The following ZNF532 variants were observed in gnomAD, a reference collection of about 807,000 sequenced individuals.
ZNF532 encodes zinc finger protein 532.
Under a neutral mutation model 89.3 loss-of-function variants are expected in ZNF532, and 22 were observed. That is an observed-to-expected ratio of 0.25 (90% CI 0.18 to 0.35). The LOEUF (loss-of-function observed/expected upper bound fraction) is 0.35. Among genes scored for constraint, ZNF532 ranks in the 10% least tolerant of loss-of-function variants. The probability of loss-of-function intolerance (pLI) is 1.00; values close to 1 mark genes in which losing one functional copy is unlikely to be tolerated. For missense variants in ZNF532, 1,132 were observed against 1,643.4 expected, an observed-to-expected ratio of 0.69 and a Z score of 5.38; for synonymous variants, 606 against 649.6, an observed-to-expected ratio of 0.93 and a Z score of 1.02.
At chr18:58,885,328 G>T (rs765433789) in intron 2 of ZNF532, among the ~76,000 whole-genome samples, 1 of 152,078 alleles carries the variant, frequency 6.6e-6, no homozygotes, top group South Asian at 2.1e-4. Flanking sequence ...TTAAAAGAAC[G>T]TATAGCCAGT....
intron 7 of ZNF532, among the ~76,000 whole-genome samples, chr18:58,965,563 TTGA>T (rs2065838697): frequency 6.6e-6 from 1 of 152,254 alleles, no homozygotes; most frequent in Non-Finnish European, 1.5e-5. Context: ...ACTTCTGCTT[TTGA>T]TGTAGTCATT....
chr18:58,942,207 A>G (rs2063174468), intron 5 of ZNF532, among the ~76,000 whole-genome samples: 2 of 151,368 alleles, frequency 1.3e-5, no homozygotes, highest in African/African-American at 4.9e-5. Context: ...TATTTTTAGT[A>G]GAGATGGGGT....
chr18:58,949,415 C>T (rs1242436472), intron 6 of ZNF532, among the ~76,000 whole-genome samples: 1 of 152,168 alleles, frequency 6.6e-6, no homozygotes, highest in South Asian at 2.1e-4. Flanking sequence ...ATACATTATA[C>T]AGGCTGGGCA....
intron 2 of ZNF532, among the ~76,000 whole-genome samples, chr18:58,892,358 T>G (rs1166459717): frequency 6.6e-6 from 1 of 152,232 alleles, no homozygotes. Context: ...TGAATTGACA[T>G]GGAGTGTCTG....
intron 3 of ZNF532, chr18:58,926,330 T>C (rs2061520035): frequency 6.6e-6 from 1 of 152,264 alleles, no homozygotes; most frequent in Non-Finnish European, 1.5e-5. Flanking sequence ...TTCTTTGTTT[T>C]GTAGTTTTCT....
intron 4 of ZNF532, among the ~76,000 whole-genome samples, chr18:58,937,908 G>A (rs2062612203): frequency 6.6e-6 from 1 of 152,204 alleles, no homozygotes; most frequent in African/African-American, 2.4e-5. Context: ...AAGTAGATAG[G>A]CTAGAGAGGC....
chr18:58,893,092 C>T (rs1413631839), intron 2 of ZNF532, among the ~76,000 whole-genome samples: 1 of 151,236 alleles, frequency 6.6e-6, no homozygotes, highest in East Asian at 2.0e-4. Context: ...AGCGATTCTG[C>T]CTCAGCCTCC....
intron 4 of ZNF532, among the ~76,000 whole-genome samples, chr18:58,939,104 G>A (rs1049145809): frequency 7.3e-5 from 11 of 151,716 alleles, no homozygotes; most frequent in Non-Finnish European, 1.3e-4. Flanking sequence ...AAAAGTAATT[G>A]GGCATGGTGG....
chr18:58,878,655 G>A (rs1043092269), intron 2 of ZNF532, among the ~76,000 whole-genome samples: 4 of 152,256 alleles, frequency 2.6e-5, no homozygotes, highest in Admixed American at 6.5e-5. Context: ...TGCATTGGGA[G>A]AGGCAGTAGC....
rs751732976 is a variant in ZNF532, at chr18:58,918,856, C to T, written c.569C>T (p.Ser190Phe). 1.8e-5 allele frequency: 29 copies of T among 1,614,062 alleles called. No individual in the cohort carries two copies. Among genetic ancestry groups the T allele is most frequent in the Non-Finnish European group, 2.4e-5 (28 of 1,180,054 alleles). ...GAAAACTCCAGCAAAACTGGACTCT[C>T]TACGTCAGGCAATGTGGAGAAAAAC... Reference protein sequence around the residue: ...GGENSSKTGLSTSGNVEKNKA... With the variant: ...GGENSSKTGLFTSGNVEKNKA... Residue 190 changes from serine (S) to phenylalanine (F), a missense_variant, in exon 3 of 10, where the codon TCT (serine) becomes TTT (phenylalanine). Physicochemically the swap from Ser to Phe is radical, Grantham distance 155. This residue lies in a region of ZNF532 where 302 missense variants were observed against 319.8 expected (regional missense o/e 0.94). Transcript: ENST00000591808.
chr18:58,942,349 C>CCTCCCTCCCTCCCTCCCTCCCTT (rs1568383305), intron 5 of ZNF532, among the ~76,000 whole-genome samples: 1 of 43,172 alleles, frequency 2.3e-5, no homozygotes, highest in African/African-American at 1.1e-4. Context: ...CTCCCTCCCT[C>CCTCCCTCCCTCCCTCCCTCCCTT]CCTTCCTTCC....
chr18:58,918,171 T>C (rs1260731093), intron 2 of ZNF532, 100 bp from the exon 3 acceptor site: 2 of 1,132,154 alleles, frequency 1.8e-6, no homozygotes, highest in Non-Finnish European at 2.5e-6. Context: ...TCCTTGCTCT[T>C]TCTTAGTAAT....
intron 2 of ZNF532, among the ~76,000 whole-genome samples, chr18:58,881,466 G>A (rs1314598639): frequency 6.6e-6 from 1 of 152,200 alleles, no homozygotes; most frequent in African/African-American, 2.4e-5. Context: ...GCTGGGTTGT[G>A]TGTCTGCAAG....
intron 7 of ZNF532, among the ~76,000 whole-genome samples, chr18:58,976,352 TA>T (rs1286827618): frequency 6.6e-6 from 1 of 152,226 alleles, no homozygotes; most frequent in African/African-American, 2.4e-5. Context: ...ATTTCTGTAT[TA>T]AAATTTTGTT....
chr18:58,867,023 C>G (rs2056526659), intron 2 of ZNF532, among the ~76,000 whole-genome samples: 1 of 152,258 alleles, frequency 6.6e-6, no homozygotes, highest in Non-Finnish European at 1.5e-5. Context: ...CAAAGCAGAT[C>G]CGAATCCACG....
At chr18:58,887,400 C>G (rs2058380805) in intron 2 of ZNF532, among the ~76,000 whole-genome samples, 1 of 152,326 alleles carries the variant, frequency 6.6e-6, no homozygotes, top group African/African-American at 2.4e-5. Context: ...TTCCACTGTT[C>G]AAGAACCTTC....
chr18:58,918,171 T>G (rs1260731093), intron 2 of ZNF532, 100 bp from the exon 3 acceptor site: 3 of 1,132,154 alleles, frequency 2.6e-6, no homozygotes, highest in Non-Finnish European at 3.7e-6. Context: ...TCCTTGCTCT[T>G]TCTTAGTAAT....
intron 6 of ZNF532, chr18:58,953,103 A>G (rs1247904003): frequency 6.4e-6 from 1 of 157,128 alleles, no homozygotes; most frequent in African/African-American, 2.4e-5. Flanking sequence ...AGTTTGTTCT[A>G]GTTGAATTCC....
Position 58,920,387 on chromosome 18 carries a change from T to C in ZNF532, c.2100T>C (p.Thr700=). ...MIVSPSSNTS[T]STSTLQSPVG... ...TTTCTCCGTCAAGCAATACTTCCAC[T>C]TCAACTTCCACTCTTCAGAGCCCTG... The change falls in exon 3 of 10, where the codon ACT becomes ACC. Residue 700 remains threonine (T), a synonymous_variant. Coordinates refer to ENST00000591808, the MANE Select transcript of ZNF532 (RefSeq NM_001375912.1). 1.9e-6 allele frequency: 3 copies of C among 1,613,940 alleles called. No homozygotes were observed. Among genetic ancestry groups the C allele is most frequent in the Non-Finnish European group, 2.5e-6 (3 of 1,179,872 alleles).
Sources: gnomAD v4.1 joint callset for allele counts (sites outside exome capture counted in the v4.1 genomes callset) on GRCh38, gnomAD v4.1.1 for gene constraint, gnomAD v4.1.1 regional missense constraint, MANE v1.5 for transcripts, NCBI Gene and HGNC (gene_info 2026-07-23, HGNC 2026-07-21) for gene names.